Variants in FGGY observed in about 807,000 individuals in gnomAD.
The protein encoded by FGGY is FGGY carbohydrate kinase domain containing.
FGGY carries 72 observed loss-of-function variants against 71.3 expected under a neutral mutation model. That is an observed-to-expected ratio of 1.01 (90% CI 0.84 to 1.23). The LOEUF is 1.23. FGGY is among the 50% of genes most tolerant of loss of function. The pLI is 0.00. For missense variants in FGGY, 668 were observed against 682.3 expected, an observed-to-expected ratio of 0.98 and a Z score of 0.23; for synonymous variants, 251 against 250.3, an observed-to-expected ratio of 1.00 and a Z score of -0.02.
At chr1:59,586,110 C>T (rs544540575) in intron 8 of FGGY, among the ~76,000 whole-genome samples, 2 of 152,170 alleles carry the variant, frequency 1.3e-5, no homozygotes, top group African/African-American at 4.8e-5. Context: ...GGCGATTCCT[C>T]AGGGATCTAG....
At chr1:59,411,088 C>A (rs193256430) in intron 5 of FGGY, among the ~76,000 whole-genome samples, 6 of 152,318 alleles carry the variant, frequency 3.9e-5, no homozygotes, top group Non-Finnish European at 8.8e-5. Flanking sequence ...CATACTGTTT[C>A]ATTTCCTGGA....
At chr1:59,510,021 CTTTTTCTTTTTCT>C (rs2094480457) in intron 6 of FGGY, among the ~76,000 whole-genome samples, 1 of 143,854 alleles carries the variant, frequency 7.0e-6, no homozygotes, top group Non-Finnish European at 1.5e-5. Context: ...AACGGTGCTC[CTTTTTCTTTTTCT>C]TTTTTCTTTT....
chr1:59,678,164 G>A lies in FGGY; in HGVS notation c.1512+4031G>A, dbSNP rs74086299. Among the ~76,000 whole-genome samples, 529 of 152,250 alleles carry A rather than the reference G, an allele frequency of 3.5e-3. 3 individuals carry two copies. The highest frequency in any genetic ancestry group is 0.012 in the African/African-American group (506 of 41,550). On this transcript the variant is annotated intron_variant, in intron 14 of 15. Transcript: ENST00000303721. ...GGTTTAATGAAAAATATGGAATCAA[G>A]CCACAGATATGCTGCTCTCACAGTA...
chr1:59,356,847 G>C (rs1052778318), intron 4 of FGGY, among the ~76,000 whole-genome samples: 7 of 152,172 alleles, frequency 4.6e-5, no homozygotes, highest in Non-Finnish European at 1.0e-4. Context: ...TGTATGCAAA[G>C]TGAAGGCTCT....
intron 1 of FGGY, among the ~76,000 whole-genome samples, chr1:59,304,555 T>A (rs900599193): frequency 1.3e-5 from 2 of 152,138 alleles, no homozygotes; most frequent in African/African-American, 4.8e-5. Flanking sequence ...TTGGAGTTTT[T>A]TGTGGTTCCA....
chr1:59,549,724 G>T (rs567634712), intron 7 of FGGY, among the ~76,000 whole-genome samples: 1 of 152,104 alleles, frequency 6.6e-6, no homozygotes, highest in Non-Finnish European at 1.5e-5. Flanking sequence ...CTGCCACAGC[G>T]TGATAAATTA....
At chr1:59,386,387 G>A (rs1039852528) in intron 5 of FGGY, among the ~76,000 whole-genome samples, 2 of 152,126 alleles carry the variant, frequency 1.3e-5, no homozygotes, top group African/African-American at 4.8e-5. Context: ...GACTTGGGTA[G>A]TTTGTTTTTC....
intron 3 of FGGY, among the ~76,000 whole-genome samples, chr1:59,343,064 G>A (rs904699604): frequency 2.6e-5 from 4 of 152,082 alleles, no homozygotes; most frequent in African/African-American, 9.7e-5. Flanking sequence ...GCTCTTGGGA[G>A]GGAGAGGAAC....
chr1:59,609,273 C>T (rs2096652625), intron 9 of FGGY, among the ~76,000 whole-genome samples: 1 of 152,200 alleles, frequency 6.6e-6, no homozygotes, highest in East Asian at 1.9e-4. Context: ...GAGACCACAT[C>T]CCTGTAAAAC....
Position 59,757,996 on chromosome 1 carries a change from AGT to A in FGGY, c.1574+9_1574+10del, listed in dbSNP as rs758962754. On this transcript the variant is annotated splice_donor_5th_base_variant and intron_variant, in intron 15 of 15. Coordinates refer to ENST00000303721, the MANE Select transcript of FGGY (RefSeq NM_018291.5). ...TCCCGAGACTACAGGATAAAAAGTA[AGT>A]GTGTATTTTTTATATGTACAGTGCT... is the stretch of plus-strand genomic sequence containing the variant. The A allele has an allele frequency of 1.2e-6, 2 of 1,609,428 alleles. No individual in the cohort carries two copies. Among genetic ancestry groups the A allele is most frequent in the South Asian group, 2.2e-5 (2 of 90,616 alleles).
intron 6 of FGGY, among the ~76,000 whole-genome samples, chr1:59,477,290 C>T (rs1394201514): frequency 6.6e-6 from 1 of 152,176 alleles, no homozygotes; most frequent in Admixed American, 6.5e-5. Flanking sequence ...GTACTCTTCA[C>T]TCTGGTTCTG....
intron 11 of FGGY, among the ~76,000 whole-genome samples, chr1:59,641,984 T>A (rs1477570335): frequency 6.6e-6 from 1 of 152,150 alleles, no homozygotes; most frequent in Non-Finnish European, 1.5e-5. Context: ...GAGTTTAAAT[T>A]CCTAGATCCC....
intron 6 of FGGY, among the ~76,000 whole-genome samples, chr1:59,495,947 G>T (rs947468149): frequency 6.6e-6 from 1 of 152,116 alleles, no homozygotes; most frequent in African/African-American, 2.4e-5. Context: ...TTGTGCTTAG[G>T]ATTGCTTTGT....
At chr1:59,339,644 T>C (rs1162744579) in intron 2 of FGGY, among the ~76,000 whole-genome samples, 2 of 152,036 alleles carry the variant, frequency 1.3e-5, no homozygotes, top group East Asian at 1.9e-4. Context: ...TTCGTATTTT[T>C]AGTAGAGACA....
chr1:59,685,520 A>G (rs192741889), intron 14 of FGGY, among the ~76,000 whole-genome samples: 3 of 152,196 alleles, frequency 2.0e-5, no homozygotes, highest in Admixed American at 1.3e-4. Flanking sequence ...AAAGAGGAAA[A>G]TACACATATA....
chr1:59,375,858 C>A (rs2058575508), intron 4 of FGGY, among the ~76,000 whole-genome samples: 1 of 151,376 alleles, frequency 6.6e-6, no homozygotes, highest in African/African-American at 2.4e-5. Context: ...TCTTTAATGA[C>A]CACACACAAG....
At chr1:59,651,849 G>T (rs1016374312) in intron 11 of FGGY, among the ~76,000 whole-genome samples, 1 of 151,828 alleles carries the variant, frequency 6.6e-6, no homozygotes, top group African/African-American at 2.4e-5. Flanking sequence ...TCCTAGTCTC[G>T]ATGGTCTTTA....
intron 2 of FGGY, among the ~76,000 whole-genome samples, chr1:59,325,402 A>G (rs1376321042): frequency 1.3e-5 from 2 of 150,376 alleles, no homozygotes; most frequent in African/African-American, 4.9e-5. Context: ...GTAAGCTTAA[A>G]CATTCCTGTC....
rs114429186 is a variant in FGGY, at chr1:59,317,181, A to G, written c.-14-4355A>G. ...ATGGTGATCTGCAGCTCAGAGCTCA[A>G]TAGATATTTCTTGCTGCATTTGTTG... On this transcript the variant is annotated intron_variant, in intron 1 of 15. Transcript: ENST00000303721. Among the ~76,000 whole-genome samples the G allele has an allele frequency of 2.9e-3, 439 of 152,326 alleles. 2 individuals are homozygous for G. The highest frequency in any genetic ancestry group is 0.01 in the African/African-American group (418 of 41,562).
Sources: gnomAD v4.1 joint callset for allele counts (sites outside exome capture counted in the v4.1 genomes callset) on GRCh38, gnomAD v4.1.1 for gene constraint, MANE v1.5 for transcripts, NCBI Gene and HGNC (gene_info 2026-07-23, HGNC 2026-07-21) for gene names.